Variants in RIN3 observed in about 807,000 individuals in gnomAD.
RIN3 encodes Ras and Rab interactor 3.
Under a neutral mutation model 76.3 loss-of-function variants are expected in RIN3, and 54 were observed. That is an observed-to-expected ratio of 0.71 (90% confidence interval 0.57 to 0.89). The LOEUF is 0.89. Among genes scored for constraint, RIN3 ranks in the 40% least tolerant of loss-of-function variants. RIN3 has a pLI of 0.00. For missense variants in RIN3, 1,256 were observed against 1,322.1 expected, an observed-to-expected ratio of 0.95 and a Z score of 0.78; for synonymous variants, 576 against 564.0, an observed-to-expected ratio of 1.02 and a Z score of -0.30.
At chr14:92,552,269 A>T (rs1897448241) in intron 1 of RIN3, among the ~76,000 whole-genome samples, 1 of 152,194 alleles carries the variant, frequency 6.6e-6, no homozygotes, top group African/African-American at 2.4e-5. Context: ...AGTCACCCTG[A>T]GAGCAGCAGC....
In RIN3 at chr14:92,514,904, GC is replaced by G. The variant is rs1367714546; in HGVS notation, c.44+929del. Among the ~76,000 whole-genome samples, 2 of 152,194 alleles carry G rather than the reference GC, an allele frequency of 1.3e-5. No homozygotes were observed. Among genetic ancestry groups the G allele is most frequent in the African/African-American group, 4.8e-5 (2 of 41,444 alleles). On this transcript the variant is annotated intron_variant, in intron 1 of 9. Coordinates refer to ENST00000216487, the MANE Select transcript of RIN3 (RefSeq NM_024832.5). This position sits in a 1 kb window ranked among gnomAD's most constrained non-coding sequence, Gnocchi z 7.2. ...AGCGCGTCTGGGGAGGCCATTCCCA[GC>G]TTTTTGGTTTAAAAGTCCCGGGCCT...
At chr14:92,646,999 C>T (rs1044707135) in intron 5 of RIN3, among the ~76,000 whole-genome samples, 3 of 152,130 alleles carry the variant, frequency 2.0e-5, no homozygotes, top group Admixed American at 1.3e-4. Context: ...GTTTCCAGTC[C>T]GCTGGATGAT....
At chr14:92,555,976 C>G in intron 2 of RIN3, 21 bp downstream of exon 2, 1 of 1,602,924 alleles carries the variant, frequency 6.2e-7, no homozygotes, top group South Asian at 1.1e-5. Context: ...GCGTCTCCCA[C>G]TTGGTAGGCA....
chr14:92,576,293 C>T (rs1249614873), intron 2 of RIN3: 7 of 1,289,602 alleles, frequency 5.4e-6, no homozygotes, highest in East Asian at 5.5e-5. Flanking sequence ...TGCTTGCCTT[C>T]GGGACCCTCA....
At chr14:92,563,582 A>G (rs1897838108) in intron 2 of RIN3, among the ~76,000 whole-genome samples, 1 of 152,102 alleles carries the variant, frequency 6.6e-6, no homozygotes, top group African/African-American at 2.4e-5. Flanking sequence ...ATGGCTACCA[A>G]GTTGTGGAAC....
At chr14:92,516,199 G>A (rs1307224164) in intron 1 of RIN3, among the ~76,000 whole-genome samples, 1 of 152,234 alleles carries the variant, frequency 6.6e-6, no homozygotes, top group Non-Finnish European at 1.5e-5. Context: ...AAATGTGGCT[G>A]TCATTGACCT....
intron 3 of RIN3, among the ~76,000 whole-genome samples, chr14:92,595,567 C>T (rs1885123562): frequency 6.6e-6 from 1 of 152,142 alleles, no homozygotes; most frequent in East Asian, 1.9e-4. Flanking sequence ...TAGGCGGCCT[C>T]ATCTCTAGGA....
intron 5 of RIN3, among the ~76,000 whole-genome samples, chr14:92,645,610 G>C (rs1029805525): frequency 6.6e-6 from 1 of 152,220 alleles, no homozygotes; most frequent in Non-Finnish European, 1.5e-5. Flanking sequence ...CATAGAAAGG[G>C]GGATGGAGAG....
chr14:92,624,921 G>A (rs540070772), intron 4 of RIN3, among the ~76,000 whole-genome samples: 1 of 152,230 alleles, frequency 6.6e-6, no homozygotes, highest in South Asian at 2.1e-4. Context: ...CAGTTGTTAG[G>A]AGCACTAGAT....
intron 1 of RIN3, among the ~76,000 whole-genome samples, chr14:92,518,131 G>C (rs74075417): frequency 6.6e-6 from 1 of 152,158 alleles, no homozygotes; most frequent in African/African-American, 2.4e-5. Context: ...AGCTCACAGA[G>C]ATTCCTCCTT....
rs527688564 is a variant in RIN3, at chr14:92,676,070, G to A, written c.2336-405G>A. Among the ~76,000 whole-genome samples, 7 of 152,142 alleles carry A rather than the reference G, an allele frequency of 4.6e-5. No individual in the cohort carries two copies. The South Asian group carries it at 8.3e-4, about 18-fold the overall frequency. On this transcript the variant is annotated intron_variant, in intron 7 of 9. Transcript: ENST00000216487. ...GGAAGAGGTTTCTGTTTCGCAGGTGGGAGGGAGATGTATGATTCGTGGGGA... is the reference window on the plus strand; with the variant it reads ...GGAAGAGGTTTCTGTTTCGCAGGTGAGAGGGAGATGTATGATTCGTGGGGA...
Position 92,514,615 on chromosome 14 carries a change from G to A in RIN3, c.44+639G>A, listed in dbSNP as rs903819349. 6.6e-6 allele frequency among the ~76,000 whole-genome samples: 1 copy of A among 152,226 alleles called. No homozygotes were observed. Among genetic ancestry groups the A allele is most frequent in the African/African-American group, 2.4e-5 (1 of 41,472 alleles). ...TGCTTGGGTAGGGTCCAGGGCGCAC[G>A]GGCTGCGCGCGGGCTGTGGATGCAT... On this transcript the variant is annotated intron_variant, in intron 1 of 9. Transcript: ENST00000216487. The surrounding 1 kb of genome is among the most constrained non-coding windows in gnomAD (Gnocchi z 7.2).
chr14:92,661,749 AC>A lies in RIN3; in HGVS notation c.2335+2281del, dbSNP rs1566893421. On this transcript the variant is annotated intron_variant, in intron 7 of 9. Transcript: ENST00000216487. Reference sequence around the variant, plus strand: ...CACACACACACACACACACACACACACACACACACAAAAAATAGAATTGTGC... The same window carrying A: ...CACACACACACACACACACACACACAACACACACAAAAAATAGAATTGTGC... Among the ~76,000 whole-genome samples the A allele has an allele frequency of 9.3e-5, 13 of 140,096 alleles. No individual in the cohort carries two copies. The East Asian group carries it at 1.2e-3, about 13-fold the overall frequency. 91.9% of individuals were successfully genotyped at this position (140,096 alleles called of 152,430 possible).
At chr14:92,528,444 A>G (rs529069081) in intron 1 of RIN3, among the ~76,000 whole-genome samples, 57 of 152,320 alleles carry the variant, frequency 3.7e-4, no homozygotes, top group African/African-American at 1.3e-3. Context: ...TGTGTATTAC[A>G]TGAGTGGACG....
At chr14:92,516,034 C>T (rs1330502125) in intron 1 of RIN3, among the ~76,000 whole-genome samples, 1 of 152,110 alleles carries the variant, frequency 6.6e-6, no homozygotes, top group East Asian at 1.9e-4. Context: ...TCTCAGAGTC[C>T]ACTCAGGCCA....
intron 3 of RIN3, among the ~76,000 whole-genome samples, chr14:92,589,604 C>T (rs893688103): frequency 6.6e-6 from 1 of 152,206 alleles, no homozygotes; most frequent in Non-Finnish European, 1.5e-5. Flanking sequence ...AACAATGCCA[C>T]TCAAACCTCT....
intron 6 of RIN3, 44 bp from the exon 7 acceptor site, chr14:92,659,117 C>T (rs1566891790): frequency 1.9e-6 from 3 of 1,592,390 alleles, no homozygotes; most frequent in South Asian, 1.1e-5. Context: ...TGGCAGGATC[C>T]CTGCATCTGG....
intron 4 of RIN3, among the ~76,000 whole-genome samples, chr14:92,632,061 A>G (rs1886605830): frequency 6.6e-6 from 1 of 152,138 alleles, no homozygotes; most frequent in Non-Finnish European, 1.5e-5. Context: ...TGGGAGTGGG[A>G]GAAGCCCAGT....
In RIN3 at chr14:92,667,759, T is replaced by TG. The variant is rs139112332; in HGVS notation, c.2335+8291dup. Among the ~76,000 whole-genome samples the TG allele has an allele frequency of 1.0e-2, 1,521 of 152,222 alleles. 29 individuals are homozygous for TG. The highest frequency in any genetic ancestry group is 0.035 in the African/African-American group (1,463 of 41,520). Reference sequence around the variant, plus strand: ...TACTTCTCACTCATGTAAGTCCAATTGCATAGAGGAGGTTTGGAGGTGGAG... The same window carrying TG: ...TACTTCTCACTCATGTAAGTCCAATTGGCATAGAGGAGGTTTGGAGGTGGAG... On this transcript the variant is annotated intron_variant, in intron 7 of 9. Transcript: ENST00000216487.
Sources: gnomAD v4.1 joint callset for allele counts (sites outside exome capture counted in the v4.1 genomes callset) on GRCh38, gnomAD v4.1.1 for gene constraint, Gnocchi (gnomAD v3.1) non-coding constraint, MANE v1.5 for transcripts, NCBI Gene and HGNC (gene_info 2026-07-23, HGNC 2026-07-21) for gene names.